ROR1: variants seen among roughly 807,000 people sequenced by gnomAD.
ROR1 encodes the protein ROR family WNT receptor 1, also known as inactive tyrosine-protein kinase transmembrane receptor ROR1.
In ROR1, 19 loss-of-function variants were observed where a neutral mutation model predicts 78.8. That is an observed-to-expected ratio of 0.24 (90% confidence interval 0.17 to 0.35). The LOEUF (loss-of-function observed/expected upper bound fraction) is 0.35, where lower values mean the gene tolerates loss of function less well. Among genes scored for constraint, ROR1 ranks in the 10% least tolerant of loss-of-function variants. The pLI is 1.00. For synonymous variants in ROR1, 386 were observed against 433.6 expected, an observed-to-expected ratio of 0.89 and a Z score of 1.36; for missense variants, 917 against 1,177.8, an observed-to-expected ratio of 0.78 and a Z score of 3.24.
At chr1:63,942,840 A>G (rs55774508) in intron 1 of ROR1, among the ~76,000 whole-genome samples, 3,550 of 152,266 alleles carry the variant, frequency 0.023, 150 homozygotes, top group African/African-American at 0.081. Context: ...CTGTAATTCC[A>G]GCAGATTGGG....
intron 1 of ROR1, among the ~76,000 whole-genome samples, chr1:63,776,488 G>A (rs967160833): frequency 2.0e-5 from 3 of 152,192 alleles, no homozygotes; most frequent in African/African-American, 7.2e-5. Context: ...TACATGACTG[G>A]GGGCTGCATG....
At position 63,852,662 on chromosome 1, in the gene ROR1, G is replaced by C. The variant is rs1645121646; in HGVS notation, c.91+78154G>C. ...CTCACTAATGCAAACCAGTTCCTTT[G>C]AGTATTGATGGAAGGAAAAACACTA... On this transcript the variant is annotated intron_variant, in intron 1 of 8. Transcript: ENST00000371079. Among the ~76,000 whole-genome samples, 3 of 152,184 alleles carry C rather than the reference G, an allele frequency of 2.0e-5. 1 individual carries two copies. In the South Asian group the frequency reaches 6.2e-4, roughly 32 times the overall value.
chr1:63,843,154 G>T (rs1645059588), intron 1 of ROR1: 1 of 922,018 alleles, frequency 1.1e-6, no homozygotes, highest in Non-Finnish European at 1.7e-6. Context: ...GCAGATGTGG[G>T]GCTGCCAGAT....
intron 4 of ROR1, among the ~76,000 whole-genome samples, chr1:64,081,800 C>T (rs981075069): frequency 7.3e-6 from 1 of 137,394 alleles, no homozygotes; most frequent in African/African-American, 2.9e-5. Flanking sequence ...AAATATAACA[C>T]CCCCCACACA....
intron 4 of ROR1, among the ~76,000 whole-genome samples, chr1:64,079,871 AG>A (rs1301615166): frequency 1.1e-4 from 17 of 152,062 alleles, no homozygotes; most frequent in African/African-American, 4.1e-4. Context: ...ATTTTTGTTA[AG>A]ATTAGCAGAA....
chr1:64,176,389 T>A (rs4266927), intron 8 of ROR1, among the ~76,000 whole-genome samples: 91,124 of 152,090 alleles, frequency 0.6, 27,651 homozygotes, highest in Non-Finnish European at 0.64. Context: ...CTTTACAAAC[T>A]TTAACTCATA....
intron 4 of ROR1, among the ~76,000 whole-genome samples, chr1:64,066,258 A>G (rs1646955066): frequency 6.6e-6 from 1 of 152,070 alleles, no homozygotes; most frequent in Non-Finnish European, 1.5e-5. Flanking sequence ...CTGTGTCTCT[A>G]GAGCAGCAAT....
At chr1:63,874,682 G>C (rs554967738) in intron 1 of ROR1, among the ~76,000 whole-genome samples, 27 of 152,232 alleles carry the variant, frequency 1.8e-4, no homozygotes, top group African/African-American at 6.3e-4. Context: ...AATGAGTAAG[G>C]TCCCTGGGCT....
rs1306612599 is a variant in ROR1 at position 64,035,777 on chromosome 1, G to C, written c.164-13914G>C. Among the ~76,000 whole-genome samples, 3 of 152,142 alleles carry C rather than the reference G, an allele frequency of 2.0e-5. No individual in the cohort carries two copies. In the East Asian group the frequency reaches 5.8e-4, roughly 29 times the overall value. ...GGGGTGGAGGGAGATTCCTGATCTG[G>C]TTCCCGGCAGCTTTCCAGTTCTTGG... On this transcript the variant is annotated intron_variant, in intron 2 of 8. Transcript: ENST00000371079.
chr1:63,780,450 T>C (rs1362563836), intron 1 of ROR1, among the ~76,000 whole-genome samples: 1 of 152,132 alleles, frequency 6.6e-6, no homozygotes, highest in Non-Finnish European at 1.5e-5. Flanking sequence ...CTGGGGGGTT[T>C]TGTGAGAATA....
chr1:64,040,265 A>T (rs1377501726), intron 2 of ROR1, among the ~76,000 whole-genome samples: 2 of 152,182 alleles, frequency 1.3e-5, no homozygotes, highest in Non-Finnish European at 2.9e-5. Flanking sequence ...TCAAGGACCA[A>T]TTCTCAAGCC....
chr1:64,176,787 G>A lies in ROR1; in HGVS notation c.1387-641G>A, dbSNP rs184723484. Among the ~76,000 whole-genome samples, 369 of 152,322 alleles carry A rather than the reference G, an allele frequency of 2.4e-3. 3 individuals are homozygous for A. The highest frequency in any genetic ancestry group is 8.6e-3 in the African/African-American group (358 of 41,560). On this transcript the variant is annotated intron_variant, in intron 8 of 8. Transcript: ENST00000371079. ...CATCTCTATTGTGAGTACTTCAGAA[G>A]GACAATCTTTTGTTTTGGTTTCTCT...
At chr1:64,118,833 A>ACTATCTCCTC (rs1648418894) in intron 4 of ROR1, among the ~76,000 whole-genome samples, 1 of 151,966 alleles carries the variant, frequency 6.6e-6, no homozygotes, top group African/African-American at 2.4e-5. Context: ...CCTCCATGTG[A>ACTATCTCCTC]CTCATAGATA....
At chr1:63,925,526 C>T (rs963724583) in intron 1 of ROR1, among the ~76,000 whole-genome samples, 2 of 152,088 alleles carry the variant, frequency 1.3e-5, no homozygotes, top group African/African-American at 4.8e-5. Context: ...TGGGTATATA[C>T]CCAGTAATGG....
chr1:64,142,127 C>T (rs553766252), intron 6 of ROR1, among the ~76,000 whole-genome samples: 3 of 152,312 alleles, frequency 2.0e-5, no homozygotes, highest in Non-Finnish European at 4.4e-5. Flanking sequence ...ACCCCAGTTC[C>T]GATTTCTTCT....
At chr1:64,157,588 G>C (rs746825840) in intron 7 of ROR1, among the ~76,000 whole-genome samples, 2 of 152,102 alleles carry the variant, frequency 1.3e-5, no homozygotes, top group Non-Finnish European at 2.9e-5. Context: ...CTGCCAAACA[G>C]TTCCCAAACA....
At chr1:64,113,258 C>A (rs1443755997) in intron 4 of ROR1, among the ~76,000 whole-genome samples, 1 of 152,110 alleles carries the variant, frequency 6.6e-6, no homozygotes, top group African/African-American at 2.4e-5. Flanking sequence ...ATTGTATTTT[C>A]TTCATTGGTT....
intron 1 of ROR1, among the ~76,000 whole-genome samples, chr1:63,831,358 T>C (rs1158105598): frequency 2.0e-5 from 3 of 152,208 alleles, no homozygotes; most frequent in Non-Finnish European, 4.4e-5. Context: ...TTCCTGGACA[T>C]CCAGACATTT....
At chr1:63,810,150 G>A (rs1644851690) in intron 1 of ROR1, among the ~76,000 whole-genome samples, 1 of 152,160 alleles carries the variant, frequency 6.6e-6, no homozygotes, top group Admixed American at 6.5e-5. Flanking sequence ...AGAATTTAGT[G>A]CATATGTTCA....
Sources: gnomAD v4.1 joint callset for allele counts (sites outside exome capture counted in the v4.1 genomes callset) on GRCh38, gnomAD v4.1.1 for gene constraint, MANE v1.5 for transcripts, NCBI Gene and HGNC (gene_info 2026-07-23, HGNC 2026-07-21) for gene names.